The following HECTD4 variants were observed in gnomAD, a reference collection of about 807,000 sequenced individuals.
The protein encoded by HECTD4 is probable E3 ubiquitin-protein ligase HECTD4.
HECTD4 carries 114 observed loss-of-function variants against 471.5 expected under a neutral mutation model. The ratio of observed to expected loss-of-function variants is 0.24; its 90% CI spans 0.21 to 0.28. The LOEUF is 0.28. Ranked by LOEUF, HECTD4 falls within the 10% of genes least tolerant of loss-of-function variation. The pLI is 1.00. For synonymous variants in HECTD4, 2,012 were observed against 2,256.0 expected, an observed-to-expected ratio of 0.89 and a Z score of 3.07; for missense variants, 3,866 against 5,651.5, an observed-to-expected ratio of 0.68 and a Z score of 10.13.
In HECTD4 at chr12:112,179,641, G is replaced by C. The variant is rs1206086259; in HGVS notation, c.10988-244C>G. 3.3e-5 allele frequency among the ~76,000 whole-genome samples: 5 copies of C among 152,234 alleles called. No homozygotes were observed. The highest frequency in any genetic ancestry group is 3.3e-4 in the Admixed American group (5 of 15,286). ...TGGGATGTGAGCCACATGGGGACCA[G>C]GCTGCTGTCCTCTGCACTTGGCCCC... On this transcript the variant is annotated intron_variant, in intron 62 of 75. Coordinates refer to ENST00000682272, the MANE Select transcript of HECTD4 (RefSeq NM_001388303.1). The surrounding 1 kb of genome is among the most constrained non-coding windows in gnomAD (Gnocchi z 4.3).
At chr12:112,336,290 G>A (rs1174585973) in intron 1 of HECTD4, among the ~76,000 whole-genome samples, 2 of 152,116 alleles carry the variant, frequency 1.3e-5, no homozygotes, top group East Asian at 1.9e-4. Context: ...TTGGGAGGCC[G>A]AGGCAGGTGG....
chr12:112,377,439 GATTTT>G (rs2135771780), intron 1 of HECTD4, among the ~76,000 whole-genome samples: 1 of 152,218 alleles, frequency 6.6e-6, no homozygotes, highest in South Asian at 2.1e-4. Context: ...TGAGGACAAG[GATTTT>G]ATTTTATCCA....
intron 55 of HECTD4, among the ~76,000 whole-genome samples, chr12:112,195,748 T>C (rs2032222028): frequency 6.6e-6 from 1 of 152,236 alleles, no homozygotes; most frequent in South Asian, 2.1e-4. Context: ...GTGAATTGCA[T>C]GGTATGTAAA....
At position 112,217,139 on chromosome 12, in the gene HECTD4, C is replaced by A. The variant is rs767182110; in HGVS notation, c.7131G>T (p.Met2377Ile). 1 of 1,583,780 alleles carries A rather than the reference C, an allele frequency of 6.3e-7. No homozygotes were observed. The highest frequency in any genetic ancestry group is 1.2e-5 in the South Asian group (1 of 86,362). The change falls in exon 46 of 76, where the codon ATG (methionine) becomes ATT (isoleucine). Residue 2377 changes from methionine (M) to isoleucine (I), a missense_variant. Met to Ile is a conservative substitution (Grantham distance 10). Coordinates refer to ENST00000682272, the MANE Select transcript of HECTD4 (RefSeq NM_001388303.1). ...TGACTGAGGTAAGGTGAGATGAGAACATGCAGGCTCGAACAGGCGGAAACA... is the reference window on the plus strand; with the variant it reads ...TGACTGAGGTAAGGTGAGATGAGAAAATGCAGGCTCGAACAGGCGGAAACA... ...SRVFPPVRAC[M>I]FSSHLTSVTF... is the part of the protein sequence containing the mutation.
At chr12:112,178,039 G>C (rs2031520104) in intron 64 of HECTD4, among the ~76,000 whole-genome samples, 1 of 152,128 alleles carries the variant, frequency 6.6e-6, no homozygotes, top group Non-Finnish European at 1.5e-5. Flanking sequence ...CTATGCAAGG[G>C]GCAATTCAAT....
chr12:112,194,905 A>G lies in HECTD4; in HGVS notation c.8729T>C (p.Leu2910Pro), dbSNP rs1199144710. 1 of 1,607,842 alleles carries G rather than the reference A, an allele frequency of 6.2e-7. No individual in the cohort carries two copies. The highest frequency in any genetic ancestry group is 2.2e-5 in the East Asian group (1 of 44,704). Residue 2910 changes from leucine to proline, a missense_variant, in exon 56 of 76, where the codon CTC becomes CCC. This residue lies in a region of HECTD4 where 266 missense variants were observed against 441.6 expected (regional missense o/e 0.60). Coordinates refer to ENST00000682272, the MANE Select transcript of HECTD4 (RefSeq NM_001388303.1). This position sits in a 1 kb window ranked among gnomAD's most constrained non-coding sequence, Gnocchi z 4.6. ...LEHLQLLSNQ[L>P]LAPPLPDGTI... ...TTTACCTGGGAGAGGAGGTGCGAGG[A>G]GCTGATTGGACAGCAGTTGCAGGTG... is the stretch of plus-strand genomic sequence containing the variant.
chr12:112,249,920 G>A (rs2033843169), intron 25 of HECTD4: 2 of 552,554 alleles, frequency 3.6e-6, no homozygotes, highest in Non-Finnish European at 6.5e-6. Context: ...GAACCAACAA[G>A]TTCCCAAGTG....
intron 44 of HECTD4, among the ~76,000 whole-genome samples, chr12:112,221,166 T>C (rs560840290): frequency 1.3e-5 from 2 of 152,216 alleles, no homozygotes; most frequent in Admixed American, 6.5e-5. Context: ...TTGCCCAGCA[T>C]ATAAAAATTA....
chr12:112,207,837 T>C (rs1412270883), intron 52 of HECTD4, 37 bp downstream of exon 52: 1 of 1,601,644 alleles, frequency 6.2e-7, no homozygotes, highest in Admixed American at 1.7e-5. Flanking sequence ...CTTCAAGTCA[T>C]GAAGTAACCT....
Position 112,235,371 on chromosome 12 carries a change from T to C in HECTD4, c.5726-105A>G. ...TGGGATTTGGAATCTTTCTTCCCCC[T>C]TCTCTATTCCTGTCCCCGCTCCCTT... On this transcript the variant is annotated intron_variant, in intron 36 of 75. Coordinates refer to ENST00000682272, the MANE Select transcript of HECTD4 (RefSeq NM_001388303.1). This position sits in a 1 kb window ranked among gnomAD's most constrained non-coding sequence, Gnocchi z 5.0. 6.7e-7 allele frequency: 1 copy of C among 1,488,984 alleles called. No individual in the cohort carries two copies. The highest frequency in any genetic ancestry group is 9.1e-7 in the Non-Finnish European group (1 of 1,103,114). 92.2% of individuals were successfully genotyped at this position (1,488,984 alleles called of 1,614,324 possible).
intron 1 of HECTD4, among the ~76,000 whole-genome samples, chr12:112,376,286 G>A (rs929796301): frequency 8.6e-5 from 13 of 151,850 alleles, no homozygotes; most frequent in African/African-American, 3.1e-4. Flanking sequence ...TCACTCTGTG[G>A]CCCAGGCTGG....
intron 44 of HECTD4, among the ~76,000 whole-genome samples, chr12:112,224,514 C>T (rs987502097): frequency 9.9e-5 from 15 of 152,278 alleles, no homozygotes; most frequent in African/African-American, 3.6e-4. Context: ...GATCTGCCTG[C>T]CTCGGCCTCC....
rs1240434831 is a variant in HECTD4, at chr12:112,283,141, G to T, written c.1497C>A (p.Thr499=). Residue 499 remains threonine, a synonymous_variant, in exon 8 of 76, where the codon ACC becomes ACA. Coordinates refer to ENST00000682272, the MANE Select transcript of HECTD4 (RefSeq NM_001388303.1). ...SATLAALTGS[T]ISNTLKEDQA... ...GATCCTCTTTCAGTGTGTTGGAGAT[G>T]GTGGAACCAGTCAGGGCAGCAAGCG... The T allele has an allele frequency of 1.2e-6, 2 of 1,613,658 alleles. No individual in the cohort carries two copies. Among genetic ancestry groups the T allele is most frequent in the Admixed American group, 1.7e-5 (1 of 59,936 alleles).
chr12:112,165,617 C>T (rs1486615309), intron 72 of HECTD4, among the ~76,000 whole-genome samples: 2 of 152,174 alleles, frequency 1.3e-5, no homozygotes, highest in African/African-American at 4.8e-5. Flanking sequence ...TCCCGAAGTG[C>T]TGGGATTACA....
At chr12:112,174,597 C>T (rs2051615197) in intron 66 of HECTD4, among the ~76,000 whole-genome samples, 1 of 151,380 alleles carries the variant, frequency 6.6e-6, no homozygotes. Flanking sequence ...TGGAGTCTCA[C>T]TCTGTCGCCC....
chr12:112,257,249 T>G (rs1754368468), intron 20 of HECTD4, among the ~76,000 whole-genome samples: 1 of 152,182 alleles, frequency 6.6e-6, no homozygotes. Context: ...GAAATAAAAT[T>G]TAAAATTCAG....
chr12:112,162,564 T>C lies in HECTD4; in HGVS notation c.13121-41A>G. Reference sequence around the variant, plus strand: ...CCAGCATCAGAGGGTTGGGCCCACATCTGTGAGGCTCCCAGGGAAGCTGGG... The same window carrying C: ...CCAGCATCAGAGGGTTGGGCCCACACCTGTGAGGCTCCCAGGGAAGCTGGG... On this transcript the variant is annotated intron_variant, in intron 75 of 75. Transcript: ENST00000682272. The surrounding 1 kb of genome is among the most constrained non-coding windows in gnomAD (Gnocchi z 5.2). 6.2e-7 allele frequency: 1 copy of C among 1,612,498 alleles called. No individual in the cohort carries two copies. Among genetic ancestry groups the C allele is most frequent in the Non-Finnish European group, 8.5e-7 (1 of 1,179,046 alleles).
At chr12:112,281,019 G>A (rs978000291) in intron 8 of HECTD4, among the ~76,000 whole-genome samples, 2 of 152,042 alleles carry the variant, frequency 1.3e-5, no homozygotes, top group African/African-American at 4.8e-5. Flanking sequence ...TTGAACTCCT[G>A]ACCTCAGGTG....
In HECTD4 at chr12:112,162,018, G is replaced by A. The variant is rs1217727281; in HGVS notation, c.*369C>T. On this transcript the variant is annotated 3_prime_UTR_variant, in exon 76 of 76. Coordinates refer to ENST00000682272, the MANE Select transcript of HECTD4 (RefSeq NM_001388303.1). This position sits in a 1 kb window ranked among gnomAD's most constrained non-coding sequence, Gnocchi z 5.2. ...AGCACGAGCGCTCTGTGTGGCCGAG[G>A]TCATTGTACCCCCGGCTTCCTGCTG... The A allele has an allele frequency of 5.1e-6, 1 of 195,628 alleles. No homozygotes were observed. Among genetic ancestry groups the A allele is most frequent in the Non-Finnish European group, 1.1e-5 (1 of 95,082 alleles). 12.1% of individuals were successfully genotyped at this position (195,628 alleles called of 1,614,324 possible).
Sources: allele counts gnomAD v4.1 joint callset (sites outside exome capture counted in the v4.1 genomes callset), GRCh38; gene constraint gnomAD v4.1.1; regional missense constraint gnomAD v4.1.1; non-coding constraint Gnocchi (gnomAD v3.1); transcripts MANE v1.5; gene names NCBI Gene and HGNC (gene_info 2026-07-23, HGNC 2026-07-21).